The following CDH13 variants were observed in gnomAD, a reference collection of about 807,000 sequenced individuals.
CDH13 encodes the protein cadherin-13.
In CDH13, 24 loss-of-function variants were observed where a neutral mutation model predicts 63.8. The observed-to-expected ratio is 0.38, with a 90% confidence interval of 0.27 to 0.53. The LOEUF (loss-of-function observed/expected upper bound fraction) is 0.53, where lower values mean the gene tolerates loss of function less well. CDH13 is among the 20% of genes least tolerant of loss of function. The pLI is 0.85. For missense variants in CDH13, 1,049 were observed against 903.1 expected, an observed-to-expected ratio of 1.16 and a Z score of -2.07; for synonymous variants, 503 against 355.3, an observed-to-expected ratio of 1.42 and a Z score of -4.67.
At chr16:82,694,236 C>A (rs1382186210) in intron 1 of CDH13, among the ~76,000 whole-genome samples, 1 of 152,162 alleles carries the variant, frequency 6.6e-6, no homozygotes, top group African/African-American at 2.4e-5. Context: ...AATGGCTCAG[C>A]CTTCTGTCCT....
At chr16:83,374,691 T>C (rs1157063565) in intron 6 of CDH13, among the ~76,000 whole-genome samples, 1 of 152,196 alleles carries the variant, frequency 6.6e-6, no homozygotes, top group East Asian at 1.9e-4. Context: ...CCATTAGCAT[T>C]TGTTATTATG....
At chr16:83,741,379 G>T (rs1471856373) in intron 10 of CDH13, among the ~76,000 whole-genome samples, 1 of 151,908 alleles carries the variant, frequency 6.6e-6, no homozygotes, top group Non-Finnish European at 1.5e-5. Context: ...AGGGTTGTTT[G>T]TATCCTTCAG....
chr16:83,497,813 G>A (rs1186175958), intron 7 of CDH13, among the ~76,000 whole-genome samples: 1 of 152,208 alleles, frequency 6.6e-6, no homozygotes, highest in Non-Finnish European at 1.5e-5. Flanking sequence ...GCAGTTTTAT[G>A]TACTGACTGC....
intron 2 of CDH13, among the ~76,000 whole-genome samples, chr16:83,031,737 T>C (rs1482540746): frequency 6.6e-6 from 1 of 152,156 alleles, no homozygotes; most frequent in African/African-American, 2.4e-5. Context: ...GATCTGACTC[T>C]TCACTCCACT....
intron 2 of CDH13, among the ~76,000 whole-genome samples, chr16:82,896,276 ATT>A (rs59677448): frequency 4.7e-3 from 409 of 87,564 alleles, no homozygotes; most frequent in Non-Finnish European, 6.2e-3. Context: ...TAGGATTAGG[ATT>A]TTTTTTTTTT....
chr16:83,199,360 G>T (rs994312517), intron 4 of CDH13, among the ~76,000 whole-genome samples: 2 of 152,230 alleles, frequency 1.3e-5, no homozygotes, highest in African/African-American at 4.8e-5. Context: ...TTATCCAGGA[G>T]TTGGCATCTG....
chr16:83,187,327 C>T (rs2038557016), intron 4 of CDH13, among the ~76,000 whole-genome samples: 2 of 152,132 alleles, frequency 1.3e-5, no homozygotes, highest in Admixed American at 6.5e-5. Context: ...AGGATATTTG[C>T]ATTATTAGAG....
chr16:83,328,251 G>T (rs1157703046), intron 5 of CDH13, among the ~76,000 whole-genome samples: 1 of 152,178 alleles, frequency 6.6e-6, no homozygotes, highest in Non-Finnish European at 1.5e-5. Context: ...TCCATGCTTG[G>T]AATCTCAGCT....
At chr16:82,981,304 C>T (rs1189871007) in intron 2 of CDH13, among the ~76,000 whole-genome samples, 1 of 152,174 alleles carries the variant, frequency 6.6e-6, no homozygotes, top group Non-Finnish European at 1.5e-5. Context: ...GCTCAATTCA[C>T]CTTTCCCCAG....
chr16:83,083,392 G>A (rs764323285), intron 3 of CDH13, among the ~76,000 whole-genome samples: 1 of 152,200 alleles, frequency 6.6e-6, no homozygotes, highest in Non-Finnish European at 1.5e-5. Context: ...GAGCTATAAA[G>A]AAGGCAAAAC....
chr16:83,045,089 C>T (rs142584434), intron 3 of CDH13, among the ~76,000 whole-genome samples: 92 of 152,286 alleles, frequency 6.0e-4, no homozygotes, highest in African/African-American at 1.9e-3. Flanking sequence ...CATGGAGATA[C>T]TTGGTCACTG....
chr16:83,037,441 G>T lies in CDH13; in HGVS notation c.366+5223G>T, dbSNP rs532673662. On this transcript the variant is annotated intron_variant, in intron 3 of 13. Coordinates refer to ENST00000567109, the MANE Select transcript of CDH13 (RefSeq NM_001257.5). ...TTGCCCATGGGTCTAGGAGATGAGA[G>T]CATCAGTTAGAGCAACATGGGAGCA... Among the ~76,000 whole-genome samples, 7 of 152,318 alleles carry T rather than the reference G, an allele frequency of 4.6e-5. 1 individual carries two copies. In the South Asian group the frequency reaches 1.4e-3, roughly 32 times the overall value.
chr16:82,979,842 A>T (rs1240718775), intron 2 of CDH13, among the ~76,000 whole-genome samples: 1 of 152,184 alleles, frequency 6.6e-6, no homozygotes, highest in East Asian at 1.9e-4. Context: ...GGCAGGGGGA[A>T]AGTGTGGCAC....
intron 6 of CDH13, among the ~76,000 whole-genome samples, chr16:83,438,171 A>G (rs1156416715): frequency 1.3e-5 from 2 of 152,234 alleles, no homozygotes; most frequent in African/African-American, 2.4e-5. Flanking sequence ...CAAACTGCCT[A>G]CAGGAGAGCC....
intron 8 of CDH13, among the ~76,000 whole-genome samples, chr16:83,630,888 G>C (rs1910720289): frequency 6.6e-6 from 1 of 152,172 alleles, no homozygotes. Flanking sequence ...ATAGGTCCCA[G>C]CTAGACTTTT....
intron 1 of CDH13, among the ~76,000 whole-genome samples, chr16:82,791,585 C>A (rs1186730707): frequency 6.6e-6 from 1 of 152,190 alleles, no homozygotes; most frequent in Non-Finnish European, 1.5e-5. Flanking sequence ...TTGAGCTGAG[C>A]TTTCGCTCAC....
chr16:82,799,887 G>A (rs1250272940), intron 1 of CDH13, among the ~76,000 whole-genome samples: 1 of 152,124 alleles, frequency 6.6e-6, no homozygotes, highest in Non-Finnish European at 1.5e-5. Flanking sequence ...CCACTACCAG[G>A]CTTTTAGCTG....
Position 83,115,564 on chromosome 16 carries a change from T to C in CDH13, c.367-9821T>C, listed in dbSNP as rs531781861. Among the ~76,000 whole-genome samples, 6 of 152,338 alleles carry C rather than the reference T, an allele frequency of 3.9e-5. No homozygotes were observed. In the South Asian group the frequency reaches 8.3e-4, roughly 21 times the overall value. On this transcript the variant is annotated intron_variant, in intron 3 of 13. Transcript: ENST00000567109. ...TTGCGTGAAGCCTGCAAAGGCTCGC[T>C]ATTGCCTTGGAAGCAAATCCAGTCT...
chr16:82,856,761 T>C (rs182423961), intron 1 of CDH13, among the ~76,000 whole-genome samples: 1 of 92,596 alleles, frequency 1.1e-5, no homozygotes, highest in Admixed American at 9.9e-5. Context: ...AAAATACCAA[T>C]AGGGAATGAG....
Sources: allele counts gnomAD v4.1 joint callset (sites outside exome capture counted in the v4.1 genomes callset), GRCh38; gene constraint gnomAD v4.1.1; transcripts MANE v1.5; gene names NCBI Gene and HGNC (gene_info 2026-07-23, HGNC 2026-07-21).